SNX8: variants seen among roughly 807,000 people sequenced by gnomAD.
SNX8 encodes the protein sorting nexin-8.
In SNX8, 25 loss-of-function variants were observed where a neutral mutation model predicts 51.6. The ratio of observed to expected loss-of-function variants is 0.48; its 90% CI spans 0.35 to 0.68. The LOEUF (loss-of-function observed/expected upper bound fraction) is 0.68. Ranked by LOEUF, SNX8 falls within the 30% of genes least tolerant of loss-of-function variation. The pLI is 0.00. For missense variants in SNX8, 695 were observed against 624.0 expected (o/e 1.11, Z -1.21); for synonymous variants, 324 against 277.0 (o/e 1.17, Z -1.68).
At position 2,257,903 on chromosome 7, in the gene SNX8, C is replaced by G. The variant is rs1795231857; in HGVS notation, c.916-100G>C. 4.2e-6 allele frequency: 5 copies of G among 1,179,232 alleles called. No individual in the cohort carries two copies. The East Asian group carries it at 1.2e-4, about 28-fold the overall frequency. The allele number at this position is 1,179,232 out of a possible 1,614,324, so 73.0% of individuals were successfully genotyped here. On this transcript the variant is annotated intron_variant, in intron 7 of 10. Coordinates refer to ENST00000222990, the MANE Select transcript of SNX8 (RefSeq NM_013321.4). ...CCTGGCCTGGGCCGGTTCCTTCCTC[C>G]CAGAGTCAGACGGGCTCCCCAGGAC...
At position 2,257,581 on chromosome 7, in the gene SNX8, C is replaced by T. The variant is rs1385726737; in HGVS notation, c.985-67G>A. 9 of 1,587,046 alleles carry T rather than the reference C, an allele frequency of 5.7e-6. No individual in the cohort carries two copies. The African/African-American group carries it at 1.2e-4, about 21-fold the overall frequency. On this transcript the variant is annotated intron_variant, in intron 8 of 10. Coordinates refer to ENST00000222990, the MANE Select transcript of SNX8 (RefSeq NM_013321.4). ...TGCGCCAGGGCCCTGCGGAGCCGGC[C>T]GAGGGAAGCACCCCCGCCAGACGGA...
intron 1 of SNX8, among the ~76,000 whole-genome samples, chr7:2,319,776 C>T (rs1019643192): frequency 8.0e-5 from 12 of 149,900 alleles, no homozygotes; most frequent in African/African-American, 3.0e-4. Flanking sequence ...GACTGCACCA[C>T]TGCACTCCAG....
chr7:2,318,536 G>A (rs1315804758), upstream of SNX8, among the ~76,000 whole-genome samples: 3 of 130,650 alleles, frequency 2.3e-5, no homozygotes, highest in Admixed American at 8.1e-5. Flanking sequence ...AAAAAAAAAA[G>A]AAAAAAAAAA....
chr7:2,267,432 C>T (rs1437480018), intron 5 of SNX8, among the ~76,000 whole-genome samples: 1 of 136,256 alleles, frequency 7.3e-6, no homozygotes, highest in Non-Finnish European at 1.6e-5. Context: ...GCCTGATTCT[C>T]CTGCCTCAGT....
intron 1 of SNX8, among the ~76,000 whole-genome samples, chr7:2,353,638 A>G (rs902543330): frequency 2.6e-5 from 4 of 151,884 alleles, no homozygotes; most frequent in African/African-American, 9.7e-5. Flanking sequence ...TACATTCACC[A>G]TGTTGTACCA....
rs147161714 is a variant in SNX8, at chr7:2,320,933, T to C, written c.-66+33289A>G. On this transcript the variant is annotated intron_variant, in intron 1 of 5. Transcript: ENST00000435336. ...TACTTGGGAGGCTGAGGCAAGAGAA[T>C]AGCTTGAACCCGGCAGGTGGAGGTT... Among the ~76,000 whole-genome samples the C allele has an allele frequency of 4.8e-3, 737 of 152,126 alleles. 8 individuals are homozygous for C. Among genetic ancestry groups the C allele is most frequent in the African/African-American group, 0.017 (688 of 41,510 alleles).
intron 1 of SNX8, among the ~76,000 whole-genome samples, chr7:2,352,198 C>T (rs1779158273): frequency 6.6e-6 from 1 of 152,000 alleles, no homozygotes; most frequent in Non-Finnish European, 1.5e-5. Flanking sequence ...AGGTGTGAGC[C>T]ACCATGCCCG....
intron 1 of SNX8, among the ~76,000 whole-genome samples, chr7:2,322,360 C>T (rs910428667): frequency 2.0e-5 from 3 of 151,894 alleles, no homozygotes; most frequent in Middle Eastern, 3.4e-3. Flanking sequence ...ATTGTGCCAC[C>T]GTATTCCAGC....
intron 1 of SNX8, among the ~76,000 whole-genome samples, chr7:2,353,820 G>C (rs1039193688): frequency 2.0e-5 from 3 of 152,072 alleles, no homozygotes; most frequent in Admixed American, 6.6e-5. Context: ...ATGTTGGCAA[G>C]GCTGGTCTCC....
chr7:2,345,297 T>C (rs1378231411), intron 1 of SNX8, among the ~76,000 whole-genome samples: 1 of 152,102 alleles, frequency 6.6e-6, no homozygotes, highest in African/African-American at 2.4e-5. Flanking sequence ...AAAACATCAT[T>C]GTGGGTGAAG....
intron 1 of SNX8, among the ~76,000 whole-genome samples, chr7:2,347,686 C>A (rs1182869565): frequency 6.7e-6 from 1 of 149,732 alleles, no homozygotes; most frequent in Non-Finnish European, 1.5e-5. Context: ...TGCTCTGTCA[C>A]CCAGGCTGGA....
intron 1 of SNX8, among the ~76,000 whole-genome samples, chr7:2,344,076 C>T (rs113161767): frequency 0.042 from 6,362 of 150,244 alleles, 193 homozygotes; most frequent in Non-Finnish European, 0.064. Flanking sequence ...TGGTGCCGTG[C>T]GCCTGTAGTC....
At chr7:2,292,380 T>TA (rs1406100790) in intron 1 of SNX8, among the ~76,000 whole-genome samples, 3 of 151,958 alleles carry the variant, frequency 2.0e-5, no homozygotes, top group Admixed American at 1.3e-4. Context: ...AATATAGGCA[T>TA]AAATCTTCAT....
Position 2,349,027 on chromosome 7 carries a change from AT to A in SNX8, c.-66+5194del, listed in dbSNP as rs547160471. ...TACAACCAAAAAATCATGACTTTCA[AT>A]TTTTTTTTCTTTAAAAAAATTGTAA... is the stretch of plus-strand genomic sequence containing the variant. On this transcript the variant is annotated intron_variant, in intron 1 of 5. Coordinates refer to the SNX8 transcript ENST00000435336. 1.4e-3 allele frequency among the ~76,000 whole-genome samples: 211 copies of A among 148,350 alleles called. 3 individuals carry two copies. The highest frequency in any genetic ancestry group is 8.6e-3 in the South Asian group (40 of 4,642).
intron 4 of SNX8, among the ~76,000 whole-genome samples, 186 bp downstream of exon 4, chr7:2,271,664 G>A (rs1004780910): frequency 6.6e-6 from 1 of 152,180 alleles, no homozygotes; most frequent in African/African-American, 2.4e-5. Context: ...CAACACCAGG[G>A]ACACCTCTGA....
intron 1 of SNX8, among the ~76,000 whole-genome samples, chr7:2,294,782 C>G (rs1584712917): frequency 2.0e-5 from 3 of 152,168 alleles, no homozygotes; most frequent in Non-Finnish European, 4.4e-5. Context: ...CACCTGTAAT[C>G]CCAGCACTTT....
In SNX8 at chr7:2,263,455, C is replaced by T. The variant is rs1204287762; in HGVS notation, c.783-93G>A. 7.1e-6 allele frequency: 9 copies of T among 1,272,150 alleles called. No individual in the cohort carries two copies. The African/African-American group carries it at 8.9e-5, about 13-fold the overall frequency. The allele number at this position is 1,272,150 out of a possible 1,614,324, so 78.8% of individuals were successfully genotyped here. On this transcript the variant is annotated intron_variant, in intron 6 of 10. Transcript: ENST00000222990. ...CATCCCCCCCGACAGATGTCCTCCA[C>T]GGCAACCTGCGTGACCCCGTCCTAG...
upstream of SNX8, chr7:2,314,589 A>C (rs1340286492): frequency 7.0e-6 from 4 of 575,536 alleles, no homozygotes; most frequent in South Asian, 3.1e-4. Context: ...CGGCCTCGCC[A>C]CGCCTACAAC....
chr7:2,277,812 A>G (rs1411233299), intron 2 of SNX8, among the ~76,000 whole-genome samples: 2 of 71,034 alleles, frequency 2.8e-5, no homozygotes, highest in Non-Finnish European at 8.0e-5. Context: ...ACATCGGGGA[A>G]AAAAAAAAAA....
Sources: allele counts gnomAD v4.1 joint callset (sites outside exome capture counted in the v4.1 genomes callset), GRCh38; gene constraint gnomAD v4.1.1; transcripts MANE v1.5; gene names NCBI Gene and HGNC (gene_info 2026-07-23, HGNC 2026-07-21).